The following CNTNAP2 variants were observed in gnomAD, a reference collection of about 807,000 sequenced individuals.
The protein encoded by CNTNAP2 is contactin associated protein 2, also known as contactin-associated protein-like 2.
Under a neutral mutation model 155.2 loss-of-function variants are expected in CNTNAP2, and 98 were observed. The ratio of observed to expected loss-of-function variants is 0.63; its 90% CI spans 0.54 to 0.75. The LOEUF (loss-of-function observed/expected upper bound fraction) is 0.75, where lower values mean the gene tolerates loss of function less well. Ranked by LOEUF, CNTNAP2 falls within the 30% of genes least tolerant of loss-of-function variation. CNTNAP2 has a pLI of 0.00. For missense variants in CNTNAP2, 1,727 were observed against 1,688.1 expected, an observed-to-expected ratio of 1.02 and a Z score of -0.40; for synonymous variants, 651 against 631.2, an observed-to-expected ratio of 1.03 and a Z score of -0.47.
chr7:147,717,560 A>G (rs1211813336), intron 13 of CNTNAP2, among the ~76,000 whole-genome samples: 1 of 152,102 alleles, frequency 6.6e-6, no homozygotes, highest in Non-Finnish European at 1.5e-5. Flanking sequence ...ATTTCTTCCA[A>G]TTTAGAATTT....
intron 1 of CNTNAP2, among the ~76,000 whole-genome samples, chr7:146,317,497 A>G (rs1800926953): frequency 1.3e-5 from 2 of 152,304 alleles, no homozygotes; most frequent in Middle Eastern, 3.4e-3. Flanking sequence ...AATTTATTCT[A>G]ATAAATAGGC....
intron 10 of CNTNAP2, among the ~76,000 whole-genome samples, chr7:147,407,950 G>A (rs756541711): frequency 2.6e-5 from 4 of 152,216 alleles, no homozygotes; most frequent in African/African-American, 7.2e-5. Context: ...TTCTGAAACA[G>A]TCAAGAGATC....
At chr7:147,638,613 G>C (rs1795221495) in intron 12 of CNTNAP2, among the ~76,000 whole-genome samples, 1 of 152,132 alleles carries the variant, frequency 6.6e-6, no homozygotes, top group South Asian at 2.1e-4. Flanking sequence ...TTGCCTAAAA[G>C]GTCAGTGTGA....
intron 9 of CNTNAP2, among the ~76,000 whole-genome samples, chr7:147,326,209 C>T (rs994779470): frequency 1.5e-4 from 23 of 152,210 alleles, no homozygotes; most frequent in South Asian, 2.1e-4. Context: ...CAGGCGTTAG[C>T]CACTGCGCCT....
chr7:146,294,341 G>A (rs541358411), intron 1 of CNTNAP2, among the ~76,000 whole-genome samples: 9 of 152,256 alleles, frequency 5.9e-5, no homozygotes, highest in Admixed American at 5.2e-4. Context: ...CTGATGAGAC[G>A]AAAGGATATT....
chr7:147,765,928 A>G (rs1797375840), intron 13 of CNTNAP2, among the ~76,000 whole-genome samples: 1 of 152,232 alleles, frequency 6.6e-6, no homozygotes, highest in South Asian at 2.1e-4. Context: ...TGGTTACAAT[A>G]TGGATGAATC....
chr7:147,725,834 G>A (rs978992688), intron 13 of CNTNAP2, among the ~76,000 whole-genome samples: 1 of 152,062 alleles, frequency 6.6e-6, no homozygotes, highest in African/African-American at 2.4e-5. Flanking sequence ...TCACAGAGCT[G>A]CTATAGGCCT....
intron 12 of CNTNAP2, among the ~76,000 whole-genome samples, chr7:147,592,139 C>A (rs899809883): frequency 6.6e-6 from 1 of 152,124 alleles, no homozygotes. Context: ...CTGATTTATT[C>A]TTACATCTTT....
intron 1 of CNTNAP2, among the ~76,000 whole-genome samples, chr7:146,244,814 A>C (rs1233510327): frequency 4.6e-5 from 7 of 152,050 alleles, no homozygotes; most frequent in Non-Finnish European, 8.8e-5. Flanking sequence ...GTAGGAAAGG[A>C]CTCTACCTAT....
chr7:146,271,635 AT>A (rs1298614251), intron 1 of CNTNAP2, among the ~76,000 whole-genome samples: 1 of 151,724 alleles, frequency 6.6e-6, no homozygotes, highest in African/African-American at 2.4e-5. Context: ...AATATTTTTA[AT>A]TTTCTTCAAG....
chr7:146,623,235 A>AT lies in CNTNAP2; in HGVS notation c.98-151029dup, dbSNP rs1251052781. ...TGTTACATTTTCATATGGTTAGATT[A>AT]TTTTTTTCACATTCTGCCTTCTGAC... On this transcript the variant is annotated intron_variant, in intron 1 of 23. Transcript: ENST00000361727. Among the ~76,000 whole-genome samples, 4 of 151,906 alleles carry AT rather than the reference A, an allele frequency of 2.6e-5. No homozygotes were observed. In the East Asian group the frequency reaches 7.7e-4, roughly 29 times the overall value.
At chr7:146,409,919 G>A (rs928404736) in intron 1 of CNTNAP2, among the ~76,000 whole-genome samples, 1 of 152,202 alleles carries the variant, frequency 6.6e-6, no homozygotes, top group Middle Eastern at 3.2e-3. Context: ...TGGGGTGGAT[G>A]CAATGACTTT....
At chr7:148,346,828 A>T (rs1041453088) in intron 21 of CNTNAP2, among the ~76,000 whole-genome samples, 1 of 152,058 alleles carries the variant, frequency 6.6e-6, no homozygotes, top group South Asian at 2.1e-4. Flanking sequence ...TTACTTTTGC[A>T]CCAACCTAAT....
chr7:146,267,708 C>A (rs953531866), intron 1 of CNTNAP2, among the ~76,000 whole-genome samples: 1 of 152,204 alleles, frequency 6.6e-6, no homozygotes, highest in Non-Finnish European at 1.5e-5. Flanking sequence ...TGAACTTGGA[C>A]TTTCCAGTCT....
chr7:147,045,859 C>T (rs949628838), intron 4 of CNTNAP2, among the ~76,000 whole-genome samples: 3 of 151,980 alleles, frequency 2.0e-5, no homozygotes, highest in African/African-American at 7.3e-5. Flanking sequence ...TATACATACA[C>T]ACACACACAT....
At chr7:147,673,413 A>T (rs1024532478) in intron 13 of CNTNAP2, among the ~76,000 whole-genome samples, 24 of 152,230 alleles carry the variant, frequency 1.6e-4, no homozygotes, top group African/African-American at 5.3e-4. Flanking sequence ...GCTAAGTAAA[A>T]AATGAGGCTC....
chr7:146,597,310 G>T (rs748499556), intron 1 of CNTNAP2, among the ~76,000 whole-genome samples: 39 of 152,008 alleles, frequency 2.6e-4, no homozygotes, highest in Non-Finnish European at 5.0e-4. Context: ...TATAATATCC[G>T]TGAGCATGTC....
intron 2 of CNTNAP2, among the ~76,000 whole-genome samples, chr7:146,798,126 G>T (rs563176520): frequency 6.6e-6 from 1 of 151,970 alleles, no homozygotes; most frequent in Admixed American, 6.6e-5. Context: ...ACAAAAGTTA[G>T]CCAGGTATCC....
chr7:147,094,462 C>T (rs1353862116), intron 4 of CNTNAP2, among the ~76,000 whole-genome samples: 13 of 149,402 alleles, frequency 8.7e-5, no homozygotes, highest in African/African-American at 2.5e-4. Flanking sequence ...AGTGCGGTGC[C>T]GCGATCTCGG....
Sources: gnomAD v4.1 joint callset for allele counts (sites outside exome capture counted in the v4.1 genomes callset) on GRCh38, gnomAD v4.1.1 for gene constraint, MANE v1.5 for transcripts, NCBI Gene and HGNC (gene_info 2026-07-23, HGNC 2026-07-21) for gene names.